Variants in MAPK10 observed in about 807,000 individuals in gnomAD.
MAPK10 encodes the protein mitogen-activated protein kinase 10.
A neutral mutation model predicts 59.3 loss-of-function variants in MAPK10; 25 were observed. That is an observed-to-expected ratio of 0.42 (90% CI 0.31 to 0.59). MAPK10 has a LOEUF of 0.59. Among genes scored for constraint, MAPK10 ranks in the 20% least tolerant of loss-of-function variants. The probability of loss-of-function intolerance (pLI) is 0.15; values close to 1 mark genes in which losing one functional copy is unlikely to be tolerated. For missense variants in MAPK10, 351 were observed against 568.9 expected, an observed-to-expected ratio of 0.62 and a Z score of 3.90; for synonymous variants, 190 against 200.5, an observed-to-expected ratio of 0.95 and a Z score of 0.44.
intron 3 of MAPK10, among the ~76,000 whole-genome samples, chr4:86,170,460 A>G (rs1441368314): frequency 1.3e-5 from 2 of 152,202 alleles, no homozygotes. Flanking sequence ...ACCAACAAAG[A>G]TCAAAAGAGA....
At chr4:86,301,775 C>A (rs2095476834) in intron 2 of MAPK10, among the ~76,000 whole-genome samples, 1 of 152,146 alleles carries the variant, frequency 6.6e-6, no homozygotes, top group Non-Finnish European at 1.5e-5. Context: ...AAGTCTGGTT[C>A]TCAAATGTCT....
intron 1 of MAPK10, among the ~76,000 whole-genome samples, chr4:86,524,567 C>A (rs1209128160): frequency 6.6e-6 from 1 of 152,170 alleles, no homozygotes; most frequent in Non-Finnish European, 1.5e-5. Flanking sequence ...AAAGAGTCTA[C>A]ATTAACACCA....
At chr4:86,463,104 C>T (rs1050467106) in intron 1 of MAPK10, among the ~76,000 whole-genome samples, 12 of 152,116 alleles carry the variant, frequency 7.9e-5, no homozygotes, top group African/African-American at 2.2e-4. Context: ...CTCCAGTTTT[C>T]GCAATTAAGA....
At chr4:86,044,743 C>T (rs1251415314) in intron 11 of MAPK10, 10 of 397,552 alleles carry the variant, frequency 2.5e-5, no homozygotes, top group East Asian at 3.6e-5. Context: ...CCTCATAATG[C>T]GTCACAGGTT....
At position 86,085,420 on chromosome 4, in the gene MAPK10, A is replaced by T. The variant is rs1036900678; in HGVS notation, c.802+13104T>A. Reference sequence around the variant, plus strand: ...TATAGGAAAAAAATCTAATAATCCGATTAAAAATGGGCAAAAGATTTAAAT... The same window carrying T: ...TATAGGAAAAAAATCTAATAATCCGTTTAAAAATGGGCAAAAGATTTAAAT... On this transcript the variant is annotated intron_variant, in intron 9 of 13. Transcript: ENST00000641462. Among the ~76,000 whole-genome samples, 4 of 152,178 alleles carry T rather than the reference A, an allele frequency of 2.6e-5. No homozygotes were observed. In the South Asian group the frequency reaches 6.2e-4, roughly 24 times the overall value.
intron 1 of MAPK10, among the ~76,000 whole-genome samples, chr4:86,511,680 G>T (rs1756266573): frequency 6.7e-6 from 1 of 149,400 alleles, no homozygotes; most frequent in African/African-American, 2.5e-5. Context: ...GGAAGAAGAA[G>T]AAGAACAGGA....
intron 1 of MAPK10, among the ~76,000 whole-genome samples, chr4:86,443,282 G>A (rs1749630744): frequency 1.3e-5 from 2 of 151,886 alleles, no homozygotes; most frequent in Middle Eastern, 3.4e-3. Flanking sequence ...AGAGGTGAAA[G>A]TAACCATTTT....
intron 1 of MAPK10, among the ~76,000 whole-genome samples, chr4:86,586,133 A>G (rs1025347581): frequency 1.3e-5 from 2 of 152,216 alleles, no homozygotes; most frequent in African/African-American, 4.8e-5. Context: ...ATGTTCTAAC[A>G]TGGCTAAGTT....
chr4:86,223,683 C>T (rs2090089488), intron 2 of MAPK10, among the ~76,000 whole-genome samples: 1 of 152,166 alleles, frequency 6.6e-6, no homozygotes, highest in African/African-American at 2.4e-5. Flanking sequence ...TTCCTCTGCA[C>T]CACATCTGGG....
rs181792542 is a variant in MAPK10, at chr4:86,444,539, C to G, written c.-122+8491G>C. Among the ~76,000 whole-genome samples the G allele has an allele frequency of 2.6e-5, 4 of 152,054 alleles. No homozygotes were observed. The East Asian group carries it at 7.7e-4, about 29-fold the overall frequency. ...GATTTTATGACAAAATCACCAAAAG[C>G]AAGTGTAACAAAAGCAAAAATTGAT... On this transcript the variant is annotated intron_variant, in intron 1 of 13. Coordinates refer to the MAPK10 transcript ENST00000361569.
intron 1 of MAPK10, among the ~76,000 whole-genome samples, chr4:86,528,295 T>C (rs1215758035): frequency 6.6e-6 from 1 of 152,010 alleles, no homozygotes; most frequent in Non-Finnish European, 1.5e-5. Flanking sequence ...GATATAGAAC[T>C]AGATGACTAT....
chr4:86,043,773 A>G (rs2042024592), intron 11 of MAPK10, among the ~76,000 whole-genome samples: 1 of 152,154 alleles, frequency 6.6e-6, no homozygotes, highest in African/African-American at 2.4e-5. Flanking sequence ...CAGCATTATC[A>G]TGTTTTCTTC....
At chr4:86,522,862 T>A (rs923133482) in intron 1 of MAPK10, among the ~76,000 whole-genome samples, 1 of 152,220 alleles carries the variant, frequency 6.6e-6, no homozygotes, top group African/African-American at 2.4e-5. Flanking sequence ...CATTGTGACT[T>A]ACAGTTGTTA....
At chr4:86,519,703 G>A (rs55982489) in intron 1 of MAPK10, among the ~76,000 whole-genome samples, 34,307 of 151,954 alleles carry the variant, frequency 0.23, 4,600 homozygotes, top group Admixed American at 0.3. Context: ...TTATTGTTTT[G>A]TACGTCTTGT....
At chr4:86,080,052 T>G (rs1475560730) in intron 9 of MAPK10, 4 of 152,042 alleles carry the variant, frequency 2.6e-5, no homozygotes, top group Non-Finnish European at 5.9e-5. Flanking sequence ...CTAATATATC[T>G]CTGGAGACAA....
In MAPK10 at chr4:86,015,320, T is replaced by G. The variant is rs1340765928; in HGVS notation, c.*1908A>C. The G allele has an allele frequency of 6.6e-6, 1 of 152,176 alleles. No individual in the cohort carries two copies. Among genetic ancestry groups the G allele is most frequent in the Non-Finnish European group, 1.5e-5 (1 of 68,042 alleles). The allele number at this position is 152,176 out of a possible 1,614,324, so 9.4% of individuals were successfully genotyped here. A position where few individuals can be genotyped will look rare whatever the true frequency, so the allele number is the denominator to read the frequency against. ...TATTGCTTGAAGAGAGAAAGAAAGT[T>G]CCCTATTATTATATTTAAGGCAGTT... On this transcript the variant is annotated 3_prime_UTR_variant, in exon 14 of 14. Coordinates refer to ENST00000641462, the MANE Select transcript of MAPK10 (RefSeq NM_138982.4).
At chr4:86,038,465 C>G (rs1025769964) in intron 11 of MAPK10, among the ~76,000 whole-genome samples, 1 of 152,078 alleles carries the variant, frequency 6.6e-6, no homozygotes, top group Non-Finnish European at 1.5e-5. Context: ...TATCTTAGTA[C>G]AAAATTAGAT....
At chr4:86,383,082 T>G (rs888872449) in intron 1 of MAPK10, among the ~76,000 whole-genome samples, 58 of 152,194 alleles carry the variant, frequency 3.8e-4, no homozygotes, top group African/African-American at 1.2e-3. Context: ...ACTATATAAG[T>G]AAATGTTAAA....
At chr4:86,511,918 AAAG>A (rs1362088899) in intron 1 of MAPK10, among the ~76,000 whole-genome samples, 6 of 151,936 alleles carry the variant, frequency 3.9e-5, no homozygotes, top group East Asian at 1.9e-4. Context: ...GAGGAAGGAA[AAAG>A]AAGAAGAATT....
Sources: allele counts gnomAD v4.1 joint callset (sites outside exome capture counted in the v4.1 genomes callset), GRCh38; gene constraint gnomAD v4.1.1; transcripts MANE v1.5; gene names NCBI Gene and HGNC (gene_info 2026-07-23, HGNC 2026-07-21).